The following YEATS2 variants were observed in gnomAD, a reference collection of about 807,000 sequenced individuals.
YEATS2 encodes the protein YEATS domain containing 2.
YEATS2 carries 77 observed loss-of-function variants against 163.2 expected under a neutral mutation model. That is an observed-to-expected ratio of 0.47 (90% CI 0.39 to 0.57). The LOEUF is 0.57. Ranked by LOEUF, YEATS2 falls within the 20% of genes least tolerant of loss-of-function variation. The pLI is 0.00. For missense variants in YEATS2, 1,549 were observed against 1,729.8 expected, an observed-to-expected ratio of 0.90 and a Z score of 1.85; for synonymous variants, 631 against 645.1, an observed-to-expected ratio of 0.98 and a Z score of 0.33.
intron 21 of YEATS2, among the ~76,000 whole-genome samples, chr3:183,793,920 T>G (rs939536914): frequency 1.3e-5 from 2 of 152,166 alleles, no homozygotes; most frequent in African/African-American, 4.8e-5. Flanking sequence ...GCCCACATTT[T>G]CATAACAGGA....
chr3:183,775,908 T>C lies in YEATS2; in HGVS notation c.2369-7T>C, dbSNP rs778866183. On this transcript the variant is annotated splice_polypyrimidine_tract_variant and splice_region_variant and intron_variant, in intron 17 of 30. Transcript: ENST00000305135. The stretch of plus-strand genomic sequence containing the variant: ...TATGATGTTGCTGTCATTCATTGTA[T>C]TTTTAGATCTCCAGTCTGGCTCAGC... The C allele has an allele frequency of 6.2e-6, 10 of 1,611,780 alleles. No homozygotes were observed. The Admixed American group carries it at 1.5e-4, about 24-fold the overall frequency.
At chr3:183,771,831 A>T (rs547953476) in intron 15 of YEATS2, among the ~76,000 whole-genome samples, 48 of 146,578 alleles carry the variant, frequency 3.3e-4, no homozygotes, top group Admixed American at 7.0e-4. Context: ...GGTTCAGGGG[A>T]TTCTCCTACC....
chr3:183,768,588 G>A (rs978935660), intron 15 of YEATS2, among the ~76,000 whole-genome samples: 1 of 152,028 alleles, frequency 6.6e-6, no homozygotes, highest in Non-Finnish European at 1.5e-5. Context: ...TGATCAGTAA[G>A]AAGGGTTTCC....
At position 183,811,243 on chromosome 3, in the gene YEATS2, C is replaced by T. The variant is rs1378113358; in HGVS notation, c.*660C>T. 1.3e-5 allele frequency: 2 copies of T among 152,724 alleles called. No homozygotes were observed. The highest frequency in any genetic ancestry group is 2.9e-5 in the Non-Finnish European group (2 of 68,500). 9.5% of individuals were successfully genotyped at this position (152,724 alleles called of 1,614,324 possible). On this transcript the variant is annotated 3_prime_UTR_variant, in exon 31 of 31. Coordinates refer to ENST00000305135, the MANE Select transcript of YEATS2 (RefSeq NM_018023.5). ...GCAGTGGCAAGGGACGGAGAGGTCC[C>T]AACAGGAGTCAGGAAGAGGTTTGAT... is the stretch of plus-strand genomic sequence containing the variant.
intron 15 of YEATS2, among the ~76,000 whole-genome samples, chr3:183,765,945 T>TA (rs576204848): frequency 0.027 from 3,423 of 128,730 alleles, 43 homozygotes; most frequent in Non-Finnish European, 0.036. Flanking sequence ...AGACTCTGTC[T>TA]AAAAAAAAAA....
intron 8 of YEATS2, among the ~76,000 whole-genome samples, chr3:183,740,795 A>G (rs1476951507): frequency 6.6e-6 from 1 of 152,246 alleles, no homozygotes; most frequent in Non-Finnish European, 1.5e-5. Flanking sequence ...GGCTACACCA[A>G]ACAACATATT....
chr3:183,708,761 G>T (rs993116119), intron 1 of YEATS2, among the ~76,000 whole-genome samples: 1 of 152,130 alleles, frequency 6.6e-6, no homozygotes, highest in Non-Finnish European at 1.5e-5. Context: ...CTACTCGGAA[G>T]GCTGAGGCAG....
intron 27 of YEATS2, among the ~76,000 whole-genome samples, chr3:183,804,392 C>T (rs1266703096): frequency 1.3e-5 from 2 of 152,238 alleles, no homozygotes; most frequent in African/African-American, 4.8e-5. Flanking sequence ...ACACATGTTC[C>T]GGCCTGTGCC....
intron 13 of YEATS2, among the ~76,000 whole-genome samples, chr3:183,760,338 T>TG (rs1491371265): frequency 6.6e-5 from 7 of 106,732 alleles, no homozygotes; most frequent in Non-Finnish European, 1.2e-4. Context: ...TTTTTTTTTT[T>TG]GAGACAGAGT....
intron 8 of YEATS2, among the ~76,000 whole-genome samples, chr3:183,741,227 C>T (rs1439373928): frequency 6.6e-6 from 1 of 152,146 alleles, no homozygotes; most frequent in African/African-American, 2.4e-5. Flanking sequence ...GCATGAGCCA[C>T]TGTGCTTGGC....
chr3:183,786,436 C>T lies in YEATS2; in HGVS notation c.2913+135C>T, dbSNP rs145219837. The T allele has an allele frequency of 9.7e-5, 83 of 855,800 alleles. 1 individual carries two copies. Among genetic ancestry groups the T allele is most frequent in the South Asian group, 9.1e-4 (47 of 51,562 alleles). The allele number at this position is 855,800 out of a possible 1,614,324, so 53.0% of individuals were successfully genotyped here. A position where few individuals can be genotyped will look rare whatever the true frequency, so the allele number is the denominator to read the frequency against. The stretch of plus-strand genomic sequence containing the variant: ...TTGCTTTTTTTTTTAAAGAAATATT[C>T]ACATACCATAAAAGTCCCCATTTTG... On this transcript the variant is annotated intron_variant, in intron 20 of 30. Transcript: ENST00000305135.
intron 1 of YEATS2, among the ~76,000 whole-genome samples, chr3:183,713,831 A>T (rs1435433074): frequency 6.6e-6 from 1 of 152,192 alleles, no homozygotes; most frequent in Non-Finnish European, 1.5e-5. Context: ...TTTGAGACGG[A>T]GTATTGCTCT....
intron 9 of YEATS2, 38 bp downstream of exon 9, chr3:183,747,754 A>G (rs1719705829): frequency 6.3e-7 from 1 of 1,586,672 alleles, no homozygotes; most frequent in Non-Finnish European, 8.6e-7. Context: ...GGGAATGAGT[A>G]GGATGAAAAT....
intron 2 of YEATS2, among the ~76,000 whole-genome samples, chr3:183,715,484 G>C (rs896467684): frequency 1.3e-5 from 2 of 152,118 alleles, no homozygotes; most frequent in Non-Finnish European, 2.9e-5. Context: ...GTGAAAGCGA[G>C]ACAAACTGTG....
chr3:183,759,951 C>T (rs1577130465), intron 13 of YEATS2, among the ~76,000 whole-genome samples: 1 of 152,240 alleles, frequency 6.6e-6, no homozygotes, highest in Non-Finnish European at 1.5e-5. Flanking sequence ...CTCTCCCCTG[C>T]TCCCCTTTTT....
chr3:183,791,801 C>G (rs1179958191), intron 21 of YEATS2, among the ~76,000 whole-genome samples: 1 of 152,152 alleles, frequency 6.6e-6, no homozygotes, highest in African/African-American at 2.4e-5. Flanking sequence ...GCTATGGTGT[C>G]TTTGTGCCTG....
intron 4 of YEATS2, among the ~76,000 whole-genome samples, chr3:183,720,520 T>C (rs1375785623): frequency 6.6e-6 from 1 of 152,168 alleles, no homozygotes; most frequent in Non-Finnish European, 1.5e-5. Flanking sequence ...TGTTTAGGCC[T>C]TCATGTTACC....
At chr3:183,772,049 G>C (rs1430121627) in intron 15 of YEATS2, among the ~76,000 whole-genome samples, 1 of 151,954 alleles carries the variant, frequency 6.6e-6, no homozygotes, top group Non-Finnish European at 1.5e-5. Flanking sequence ...TTATACTTCT[G>C]AATTTCCCAA....
At chr3:183,746,635 A>T (rs953008454) in intron 8 of YEATS2, among the ~76,000 whole-genome samples, 4 of 150,716 alleles carry the variant, frequency 2.7e-5, no homozygotes, top group Non-Finnish European at 5.9e-5. Context: ...AGACTGTGAA[A>T]ATGGATGTAA....
Sources: gnomAD v4.1 joint callset for allele counts (sites outside exome capture counted in the v4.1 genomes callset) on GRCh38, gnomAD v4.1.1 for gene constraint, MANE v1.5 for transcripts, NCBI Gene and HGNC (gene_info 2026-07-23, HGNC 2026-07-21) for gene names.